KPNA1: variants seen among roughly 807,000 people sequenced by gnomAD.
KPNA1 encodes the protein karyopherin subunit alpha 1, also known as importin subunit alpha-5.
Under a neutral mutation model 70.5 loss-of-function variants are expected in KPNA1, and 10 were observed. The ratio of observed to expected loss-of-function variants is 0.14; its 90% confidence interval spans 0.09 to 0.24. The LOEUF (loss-of-function observed/expected upper bound fraction) is 0.24. Among genes scored for constraint, KPNA1 ranks in the 10% least tolerant of loss-of-function variants. The pLI, the probability that KPNA1 is intolerant of heterozygous loss-of-function variation, is 1.00. For synonymous variants in KPNA1, 192 were observed against 221.9 expected, an observed-to-expected ratio of 0.87 and a Z score of 1.20; for missense variants, 397 against 637.9, an observed-to-expected ratio of 0.62 and a Z score of 4.07.
intron 2 of KPNA1, among the ~76,000 whole-genome samples, chr3:122,493,345 A>C (rs1311160386): frequency 7.3e-6 from 1 of 137,288 alleles, no homozygotes; most frequent in Non-Finnish European, 1.7e-5. Context: ...ACAATGATAA[A>C]AGGGACAAGA....
At chr3:122,462,738 GTTT>G (rs1350613486) in intron 4 of KPNA1, among the ~76,000 whole-genome samples, 1 of 152,052 alleles carries the variant, frequency 6.6e-6, no homozygotes, top group East Asian at 1.9e-4. Context: ...CATAGTAGTA[GTTT>G]TTTATTCCAC....
intron 13 of KPNA1, 75 bp from the exon 14 acceptor site, chr3:122,427,247 T>C: frequency 1.9e-6 from 2 of 1,080,214 alleles, no homozygotes; most frequent in Non-Finnish European, 2.7e-6. Context: ...TATATATTCC[T>C]AAACTATATT....
intron 5 of KPNA1, chr3:122,460,276 A>G (rs1351277259): frequency 1.0e-6 from 1 of 984,928 alleles, no homozygotes; most frequent in Non-Finnish European, 1.2e-6. Flanking sequence ...CCAGGGGGAA[A>G]AAAAATAGTA....
At chr3:122,485,814 A>T (rs1560047971) in intron 2 of KPNA1, among the ~76,000 whole-genome samples, 1 of 152,250 alleles carries the variant, frequency 6.6e-6, no homozygotes, top group Admixed American at 6.5e-5. Flanking sequence ...AAAGAAGTAT[A>T]TAAGATGATA....
At chr3:122,446,292 T>C (rs766903271) in intron 9 of KPNA1, among the ~76,000 whole-genome samples, 4 of 152,154 alleles carry the variant, frequency 2.6e-5, no homozygotes, top group Admixed American at 6.5e-5. Flanking sequence ...GCTCAGCAAA[T>C]GTAAAAGAAC....
At chr3:122,489,355 T>C (rs758413089) in intron 2 of KPNA1, among the ~76,000 whole-genome samples, 7 of 151,906 alleles carry the variant, frequency 4.6e-5, no homozygotes, top group Non-Finnish European at 8.8e-5. Context: ...AGTGGCACAG[T>C]CATAGCTCAA....
chr3:122,470,369 G>A lies in KPNA1; in HGVS notation c.130-2940C>T, dbSNP rs183436115. ...CTACTAAAAATACAAAAAATTAGCC[G>A]GGCGTGGCAGCGGGCGCCTGTAGTC... On this transcript the variant is annotated intron_variant, in intron 2 of 13. Coordinates refer to ENST00000344337, the MANE Select transcript of KPNA1 (RefSeq NM_002264.4). Among the ~76,000 whole-genome samples, 1,050 of 151,948 alleles carry A rather than the reference G, an allele frequency of 6.9e-3. 18 individuals carry two copies. The highest frequency in any genetic ancestry group is 0.024 in the African/African-American group (991 of 41,426).
intron 8 of KPNA1, 97 bp downstream of exon 8, chr3:122,451,437 T>A: frequency 1.5e-6 from 1 of 671,658 alleles, no homozygotes; most frequent in Non-Finnish European, 2.5e-6. Flanking sequence ...ACATTTTAAA[T>A]TTTAACAAAA....
At chr3:122,441,602 C>CTTTTTTTTTTT (rs374275451) in intron 10 of KPNA1, among the ~76,000 whole-genome samples, 1 of 147,450 alleles carries the variant, frequency 6.8e-6, no homozygotes. Flanking sequence ...CCTAAACCAA[C>CTTTTTTTTTTT]TTTTTTTTTT....
At chr3:122,497,190 C>A (rs1228924863) in intron 1 of KPNA1, among the ~76,000 whole-genome samples, 1 of 152,166 alleles carries the variant, frequency 6.6e-6, no homozygotes, top group African/African-American at 2.4e-5. Context: ...ATATAATATG[C>A]AGTATTTTGT....
At chr3:122,499,751 T>C (rs1488423355) in intron 1 of KPNA1, among the ~76,000 whole-genome samples, 1 of 149,608 alleles carries the variant, frequency 6.7e-6, no homozygotes, top group East Asian at 2.0e-4. Flanking sequence ...AGTGAAACCC[T>C]GTCTCTTCAA....
intron 2 of KPNA1, among the ~76,000 whole-genome samples, chr3:122,469,960 G>A (rs547711289): frequency 1.3e-5 from 2 of 152,096 alleles, no homozygotes; most frequent in South Asian, 4.1e-4. Context: ...ATTTTTTTCA[G>A]AATACTAAGG....
chr3:122,468,675 C>T (rs374908305), intron 2 of KPNA1, among the ~76,000 whole-genome samples: 28 of 152,200 alleles, frequency 1.8e-4, no homozygotes, highest in African/African-American at 6.3e-4. Context: ...TTTAAAACTA[C>T]GATTAATATG....
chr3:122,514,624 G>A (rs1033364929), intron 1 of KPNA1, 133 bp downstream of exon 1: 2 of 151,874 alleles, frequency 1.3e-5, no homozygotes, highest in African/African-American at 4.8e-5. Flanking sequence ...GCGAGCGTCC[G>A]GCCCAGGAAC....
chr3:122,492,909 C>T (rs946708106), intron 2 of KPNA1, among the ~76,000 whole-genome samples: 17 of 152,206 alleles, frequency 1.1e-4, no homozygotes, highest in African/African-American at 3.6e-4. Context: ...AATTTATTTT[C>T]TATCCATTTC....
At chr3:122,512,762 G>A (rs191585182) in intron 1 of KPNA1, among the ~76,000 whole-genome samples, 39 of 152,318 alleles carry the variant, frequency 2.6e-4, no homozygotes, top group African/African-American at 9.1e-4. Context: ...TGCAAGTATA[G>A]TGATTTCAGG....
At chr3:122,493,465 A>G (rs2076723129) in intron 2 of KPNA1, among the ~76,000 whole-genome samples, 1 of 152,184 alleles carries the variant, frequency 6.6e-6, no homozygotes, top group Admixed American at 6.5e-5. Flanking sequence ...CTAAGAGCCT[A>G]TGGAGGGATA....
At chr3:122,455,552 ATTTTCTTTT>A (rs539311479) in intron 5 of KPNA1, among the ~76,000 whole-genome samples, 5 of 151,818 alleles carry the variant, frequency 3.3e-5, no homozygotes, top group South Asian at 2.1e-4. Context: ...CGTACTTTAT[ATTTTCTTTT>A]TTTTCTTTTT....
intron 12 of KPNA1, among the ~76,000 whole-genome samples, chr3:122,431,696 G>A (rs1445513601): frequency 1.3e-5 from 2 of 152,106 alleles, no homozygotes; most frequent in African/African-American, 2.4e-5. Context: ...TTTTAAAAAG[G>A]GACAGCAGCA....
Sources: allele counts gnomAD v4.1 joint callset (sites outside exome capture counted in the v4.1 genomes callset), GRCh38; gene constraint gnomAD v4.1.1; transcripts MANE v1.5; gene names NCBI Gene and HGNC (gene_info 2026-07-23, HGNC 2026-07-21).